Variants in GALNT13 observed in about 807,000 individuals in gnomAD.
The protein encoded by GALNT13 is polypeptide N-acetylgalactosaminyltransferase 13, also known as UDP-GalNAc:polypeptide N-acetylgalactosaminyltransferase 13.
Under a neutral mutation model 64.2 loss-of-function variants are expected in GALNT13, and 28 were observed. The observed-to-expected ratio is 0.44, with a 90% CI of 0.32 to 0.60. GALNT13 has a LOEUF of 0.60. Ranked by LOEUF, GALNT13 falls within the 20% of genes least tolerant of loss-of-function variation. The pLI is 0.05. For synonymous variants in GALNT13, 214 were observed against 224.6 expected (o/e 0.95, Z 0.42); for missense variants, 577 against 669.8 (o/e 0.86, Z 1.53).
In GALNT13 at chr2:154,450,816, A is replaced by ATGATACGGCGACCACC; in HGVS notation, c.*265_*266insTGATACGGCGACCACC. ...TGTAAAACAAATTGTGTTTGCTTTA[A>ATGATACGGCGACCACC]GAAAAATGTTTATTGCACTCATGTC... On this transcript the variant is annotated 3_prime_UTR_variant, in exon 13 of 13. Coordinates refer to ENST00000392825, the MANE Select transcript of GALNT13 (RefSeq NM_052917.4). The ATGATACGGCGACCACC allele has an allele frequency of 3.0e-6, 1 of 335,348 alleles. No homozygotes were observed. The highest frequency in any genetic ancestry group is 4.4e-5 in the Admixed American group (1 of 22,852). 20.8% of individuals were successfully genotyped at this position (335,348 alleles called of 1,614,324 possible). A position where few individuals can be genotyped will look rare whatever the true frequency, so the allele number is the denominator to read the frequency against.
the GALNT13 span, among the ~76,000 whole-genome samples, chr2:153,102,689 G>A: frequency 9.9e-5 from 15 of 151,990 alleles, no homozygotes; most frequent in African/African-American, 2.4e-4. Flanking sequence ...CCATTCCCCC[G>A]AAACAGCTAT....
the GALNT13 span, among the ~76,000 whole-genome samples, chr2:153,660,201 T>G: frequency 1.3e-5 from 2 of 152,104 alleles, no homozygotes; most frequent in Non-Finnish European, 2.9e-5. Context: ...CCATTAAACT[T>G]CTCTTGGAGG....
intron 9 of GALNT13, among the ~76,000 whole-genome samples, chr2:154,318,336 T>G (rs1694435530): frequency 6.6e-6 from 1 of 152,200 alleles, no homozygotes; most frequent in Non-Finnish European, 1.5e-5. Flanking sequence ...CAATGCAATT[T>G]AGTTCATGAT....
chr2:154,287,668 A>C (rs954041381), intron 8 of GALNT13, among the ~76,000 whole-genome samples: 3 of 151,764 alleles, frequency 2.0e-5, no homozygotes, highest in Admixed American at 6.6e-5. Flanking sequence ...CTCCGTTTTA[A>C]CGTTCAGTTT....
At chr2:154,236,124 A>G in intron 4 of GALNT13, 1 of 1,141,332 alleles carries the variant, frequency 8.8e-7, no homozygotes, top group South Asian at 1.9e-5. Context: ...AGACTTTCTG[A>G]CTTTCCCTGC....
the GALNT13 span, among the ~76,000 whole-genome samples, chr2:153,514,168 C>T: frequency 1.9e-4 from 29 of 152,076 alleles, no homozygotes; most frequent in African/African-American, 6.3e-4. Context: ...TTTCTTTCCT[C>T]TCTTTAGCTC....
the GALNT13 span, among the ~76,000 whole-genome samples, chr2:153,567,697 T>G: frequency 6.6e-6 from 1 of 152,092 alleles, no homozygotes; most frequent in East Asian, 1.9e-4. Flanking sequence ...AAGTAGAAAC[T>G]CGGTAACGAG....
chr2:154,234,886 A>T (rs964733569), intron 4 of GALNT13, among the ~76,000 whole-genome samples: 2 of 152,066 alleles, frequency 1.3e-5, no homozygotes, highest in African/African-American at 4.8e-5. Context: ...CCCCTAGTCT[A>T]TTGGATTTGA....
the GALNT13 span, among the ~76,000 whole-genome samples, chr2:153,582,492 G>C: frequency 6.6e-6 from 1 of 152,050 alleles, no homozygotes; most frequent in African/African-American, 2.4e-5. Flanking sequence ...GATTTCAGGT[G>C]CCATAAGTCA....
At chr2:153,909,963 T>A (rs1458111755) in intron 2 of GALNT13, among the ~76,000 whole-genome samples, 1 of 151,890 alleles carries the variant, frequency 6.6e-6, no homozygotes, top group Non-Finnish European at 1.5e-5. Context: ...TGGGGAGGAG[T>A]CCCTCTTCCT....
At chr2:153,608,856 A>C in the GALNT13 span, among the ~76,000 whole-genome samples, 1 of 147,714 alleles carries the variant, frequency 6.8e-6, no homozygotes, top group Non-Finnish European at 1.5e-5. Flanking sequence ...ATTTTTATAT[A>C]ATTTATATAA....
the GALNT13 span, among the ~76,000 whole-genome samples, chr2:153,287,040 C>T: frequency 1.3e-5 from 2 of 152,094 alleles, no homozygotes; most frequent in Non-Finnish European, 2.9e-5. Context: ...AAAGCACTCA[C>T]AAATTAAAAA....
At chr2:153,274,549 C>T in the GALNT13 span, among the ~76,000 whole-genome samples, 1 of 152,152 alleles carries the variant, frequency 6.6e-6, no homozygotes, top group South Asian at 2.1e-4. Flanking sequence ...ACCTCAGTAC[C>T]TGAAGGCAGT....
chr2:154,357,892 A>G (rs1696841012), intron 9 of GALNT13, among the ~76,000 whole-genome samples: 2 of 151,090 alleles, frequency 1.3e-5, no homozygotes. Flanking sequence ...TGACTAAATC[A>G]AATAAAACTA....
intron 3 of GALNT13, among the ~76,000 whole-genome samples, chr2:153,998,666 GGCTTTTGTTGCCATT>G (rs1160878767): frequency 6.6e-6 from 1 of 152,024 alleles, no homozygotes; most frequent in Non-Finnish European, 1.5e-5. Context: ...TGTCAATTTT[GGCTTTTGTTGCCATT>G]GCTTTTGGTG....
the GALNT13 span, among the ~76,000 whole-genome samples, chr2:153,211,280 C>T: frequency 6.6e-6 from 1 of 151,748 alleles, no homozygotes; most frequent in African/African-American, 2.4e-5. Flanking sequence ...GCAGCTGAGA[C>T]TACAGGCATG....
At chr2:153,913,830 G>T (rs72863683) in intron 2 of GALNT13, among the ~76,000 whole-genome samples, 8,402 of 152,180 alleles carry the variant, frequency 0.055, 332 homozygotes, top group South Asian at 0.11. Flanking sequence ...TGCCTCTGAA[G>T]ATATGCTCAG....
At chr2:153,138,063 T>C in the GALNT13 span, among the ~76,000 whole-genome samples, 1 of 152,106 alleles carries the variant, frequency 6.6e-6, no homozygotes, top group African/African-American at 2.4e-5. Flanking sequence ...AATATTTGCT[T>C]ATTTAATCTT....
chr2:154,104,806 T>A (rs1475358698), intron 3 of GALNT13, among the ~76,000 whole-genome samples: 2 of 152,168 alleles, frequency 1.3e-5, no homozygotes, highest in Admixed American at 1.3e-4. Flanking sequence ...ACATAAAGGC[T>A]GAGATTCCCT....
Sources: gnomAD v4.1 joint callset for allele counts (sites outside exome capture counted in the v4.1 genomes callset) on GRCh38, gnomAD v4.1.1 for gene constraint, MANE v1.5 for transcripts, NCBI Gene and HGNC (gene_info 2026-07-23, HGNC 2026-07-21) for gene names.